Variants in PCDH15 observed in about 807,000 individuals in gnomAD.
PCDH15 encodes the protein protocadherin related 15.
PCDH15 carries 129 observed loss-of-function variants against 178.5 expected under a neutral mutation model. That is an observed-to-expected ratio of 0.72 (90% CI 0.63 to 0.84). The LOEUF (loss-of-function observed/expected upper bound fraction) is 0.84. Ranked by LOEUF, PCDH15 falls within the 40% of genes least tolerant of loss-of-function variation. PCDH15 has a pLI of 0.00. For missense variants in PCDH15, 2,230 were observed against 2,099.9 expected (o/e 1.06, Z -1.21); for synonymous variants, 800 against 732.0 (o/e 1.09, Z -1.50).
intron 1 of PCDH15, among the ~76,000 whole-genome samples, chr10:54,762,522 T>G (rs1358267382): frequency 6.6e-6 from 1 of 152,124 alleles, no homozygotes; most frequent in South Asian, 2.1e-4. Context: ...AACAAATACC[T>G]TCAATCTCTC....
intron 37 of PCDH15, 42 bp from the exon 38 acceptor site, chr10:53,807,172 A>G (rs1359416924): frequency 1.4e-6 from 2 of 1,464,746 alleles, no homozygotes; most frequent in African/African-American, 1.4e-5. Context: ...TATCAAATAA[A>G]TTAAAAAGGC....
chr10:55,481,112 T>C (rs1272065145), intron 2 of PCDH15, among the ~76,000 whole-genome samples: 1 of 151,700 alleles, frequency 6.6e-6, no homozygotes, highest in Non-Finnish European at 1.5e-5. Context: ...AGATTTTCTA[T>C]TTTATGTGCA....
At chr10:54,004,682 C>T (rs2092318069) in intron 20 of PCDH15, among the ~76,000 whole-genome samples, 1 of 152,022 alleles carries the variant, frequency 6.6e-6, no homozygotes. Flanking sequence ...AAAGATATCT[C>T]ATGGTCATGG....
chr10:54,602,627 A>C (rs2092589552), intron 2 of PCDH15, among the ~76,000 whole-genome samples: 1 of 151,942 alleles, frequency 6.6e-6, no homozygotes, highest in Admixed American at 6.6e-5. Context: ...TATTGTGATG[A>C]GGTAGGTTTT....
At chr10:55,467,818 T>C (rs1259266399) in intron 2 of PCDH15, among the ~76,000 whole-genome samples, 4 of 150,718 alleles carry the variant, frequency 2.7e-5, no homozygotes, top group Non-Finnish European at 5.9e-5. Context: ...ACAAAAAAAA[T>C]AGCCGGAAGT....
intron 2 of PCDH15, among the ~76,000 whole-genome samples, chr10:54,642,958 T>G (rs2135008938): frequency 6.6e-6 from 1 of 152,352 alleles, no homozygotes; most frequent in African/African-American, 2.4e-5. Flanking sequence ...AATCTCGCTC[T>G]CTGTCCCAGG....
chr10:55,076,638 T>C lies in PCDH15; in HGVS notation c.-80+89938A>G, dbSNP rs183400894. On this transcript the variant is annotated intron_variant, in intron 2 of 5. Transcript: ENST00000458638. ...ATTATTATTATTATTTTTGGTCTTT[T>C]AGTAGAGATGGGGTTTCACCATGTT... is the stretch of plus-strand genomic sequence containing the variant. Among the ~76,000 whole-genome samples the C allele has an allele frequency of 6.2e-3, 948 of 151,908 alleles. 1 individual carries two copies. Among genetic ancestry groups the C allele is most frequent in the Non-Finnish European group, 0.01 (704 of 67,942 alleles).
intron 2 of PCDH15, among the ~76,000 whole-genome samples, chr10:55,075,708 G>A (rs11815324): frequency 6.1e-5 from 9 of 148,332 alleles, no homozygotes; most frequent in Admixed American, 2.0e-4. Context: ...CTCCTCCTTT[G>A]TATTTTTTTT....
intron 3 of PCDH15, among the ~76,000 whole-genome samples, chr10:54,829,782 A>C (rs963873466): frequency 3.3e-5 from 5 of 152,106 alleles, no homozygotes; most frequent in Non-Finnish European, 7.4e-5. Context: ...TGTCATTATG[A>C]ATAACCCCTG....
intron 7 of PCDH15, among the ~76,000 whole-genome samples, chr10:54,322,443 G>A (rs1179314810): frequency 6.6e-6 from 1 of 151,846 alleles, no homozygotes; most frequent in African/African-American, 2.4e-5. Flanking sequence ...TAGTTGGCAA[G>A]CAAGAATATC....
chr10:54,354,913 A>T (rs1944727333), intron 5 of PCDH15, among the ~76,000 whole-genome samples: 1 of 152,058 alleles, frequency 6.6e-6, no homozygotes, highest in Admixed American at 6.6e-5. Flanking sequence ...ATAGCATAAA[A>T]CTATGAGAAA....
chr10:54,494,079 A>T, intron 3 of PCDH15, among the ~76,000 whole-genome samples: 1 of 102,174 alleles, frequency 9.8e-6, no homozygotes, highest in Non-Finnish European at 1.9e-5. Context: ...CACTCTGGGG[A>T]TTGTTGTGGG....
intron 18 of PCDH15, among the ~76,000 whole-genome samples, chr10:54,042,060 T>G (rs1158122601): frequency 1.3e-5 from 2 of 152,108 alleles, no homozygotes; most frequent in Admixed American, 1.3e-4. Flanking sequence ...GATTCAGGGA[T>G]GACTGAAGAA....
intron 15 of PCDH15, among the ~76,000 whole-genome samples, chr10:54,121,806 A>C (rs1472208669): frequency 6.6e-6 from 1 of 152,150 alleles, no homozygotes; most frequent in Non-Finnish European, 1.5e-5. Flanking sequence ...GTGAATCAGT[A>C]ATAAGAAACC....
chr10:54,972,804 G>A (rs539854596), intron 2 of PCDH15, among the ~76,000 whole-genome samples: 5 of 137,070 alleles, frequency 3.6e-5, no homozygotes, highest in East Asian at 2.2e-4. Flanking sequence ...AGCTGACATC[G>A]CGCCACTGCA....
At chr10:55,527,533 G>A (rs1463004219) in intron 2 of PCDH15, among the ~76,000 whole-genome samples, 1 of 151,890 alleles carries the variant, frequency 6.6e-6, no homozygotes, top group African/African-American at 2.4e-5. Context: ...TCCAAATAAG[G>A]TTATATTCTG....
At chr10:55,574,037 A>G (rs554989244) in intron 2 of PCDH15, among the ~76,000 whole-genome samples, 30 of 152,122 alleles carry the variant, frequency 2.0e-4, no homozygotes, top group Middle Eastern at 3.4e-3. Context: ...TATTGTCACA[A>G]AAAAACCACA....
chr10:55,468,353 T>C (rs757072874), intron 2 of PCDH15: 18 of 152,288 alleles, frequency 1.2e-4, no homozygotes, highest in Admixed American at 3.9e-4. Flanking sequence ...TTTTCAATCA[T>C]AGTTTAAGCT....
chr10:54,337,971 C>A (rs891534375), intron 6 of PCDH15, among the ~76,000 whole-genome samples: 1 of 152,184 alleles, frequency 6.6e-6, no homozygotes, highest in Non-Finnish European at 1.5e-5. Context: ...AAGTCTCTTT[C>A]GTCCAAATTC....
Sources: allele counts gnomAD v4.1 joint callset (sites outside exome capture counted in the v4.1 genomes callset), GRCh38; gene constraint gnomAD v4.1.1; transcripts MANE v1.5; gene names NCBI Gene and HGNC (gene_info 2026-07-23, HGNC 2026-07-21).